Variants in GRM8 observed in about 807,000 individuals in gnomAD.
The protein encoded by GRM8 is metabotropic glutamate receptor 8.
GRM8 carries 47 observed loss-of-function variants against 87.2 expected under a neutral mutation model. The ratio of observed to expected loss-of-function variants is 0.54; its 90% CI spans 0.43 to 0.69. The LOEUF is 0.69. Ranked by LOEUF, GRM8 falls within the 30% of genes least tolerant of loss-of-function variation. The probability of loss-of-function intolerance (pLI) is 0.00; values close to 1 mark genes in which losing one functional copy is unlikely to be tolerated. For missense variants in GRM8, 1,019 were observed against 1,139.2 expected, an observed-to-expected ratio of 0.89 and a Z score of 1.52; for synonymous variants, 396 against 404.5, an observed-to-expected ratio of 0.98 and a Z score of 0.25.
At chr7:126,688,767 C>G (rs986114720) in intron 7 of GRM8, among the ~76,000 whole-genome samples, 25 of 151,586 alleles carry the variant, frequency 1.6e-4, no homozygotes, top group East Asian at 5.8e-4. Flanking sequence ...CACACACACA[C>G]AGAGACACAC....
intron 7 of GRM8, among the ~76,000 whole-genome samples, chr7:126,617,481 CT>C (rs1481289092): frequency 1.3e-5 from 2 of 152,194 alleles, no homozygotes; most frequent in African/African-American, 4.8e-5. Context: ...CAGAGATGCC[CT>C]CTCTCACCAC....
At chr7:127,160,237 A>G (rs1271602178) in intron 2 of GRM8, among the ~76,000 whole-genome samples, 1 of 152,162 alleles carries the variant, frequency 6.6e-6, no homozygotes, top group Non-Finnish European at 1.5e-5. Context: ...AGGGTGTTTG[A>G]TTAGTGAGTT....
intron 6 of GRM8, among the ~76,000 whole-genome samples, chr7:126,845,488 C>G (rs1284222118): frequency 6.6e-6 from 1 of 152,122 alleles, no homozygotes; most frequent in Non-Finnish European, 1.5e-5. Flanking sequence ...CAGCATTTTT[C>G]CATCTCACAA....
intron 2 of GRM8, among the ~76,000 whole-genome samples, chr7:127,217,388 G>A (rs1363044971): frequency 6.6e-6 from 1 of 152,156 alleles, no homozygotes; most frequent in Non-Finnish European, 1.5e-5. Flanking sequence ...AGGCATGGTG[G>A]AAAAAAGCAT....
At chr7:126,830,567 C>T (rs1168675144) in intron 6 of GRM8, among the ~76,000 whole-genome samples, 1 of 152,150 alleles carries the variant, frequency 6.6e-6, no homozygotes, top group Non-Finnish European at 1.5e-5. Context: ...CTCCTTTAAG[C>T]ACTTCTCTGT....
intron 6 of GRM8, among the ~76,000 whole-genome samples, chr7:126,826,156 T>C (rs944584833): frequency 3.9e-5 from 6 of 152,110 alleles, no homozygotes; most frequent in African/African-American, 4.8e-5. Context: ...GTCTTTGCTA[T>C]TGTGAATAGT....
chr7:126,835,690 G>A (rs2130500588), intron 6 of GRM8, among the ~76,000 whole-genome samples: 1 of 152,320 alleles, frequency 6.6e-6, no homozygotes, highest in South Asian at 2.1e-4. Flanking sequence ...GTAAGTACCA[G>A]CCTCAGAATG....
chr7:127,072,469 T>A (rs11563304), intron 3 of GRM8, among the ~76,000 whole-genome samples: 38,986 of 152,064 alleles, frequency 0.26, 5,886 homozygotes, highest in Non-Finnish European at 0.36. Context: ...TTTGTGGATT[T>A]TTTTTTCCCA....
At chr7:126,631,465 A>G (rs1179589469) in intron 7 of GRM8, among the ~76,000 whole-genome samples, 1 of 152,196 alleles carries the variant, frequency 6.6e-6, no homozygotes, top group Non-Finnish European at 1.5e-5. Context: ...GCCCAAAGCA[A>G]TTTATAGATT....
chr7:126,974,761 GTC>G (rs1810779249), intron 3 of GRM8, among the ~76,000 whole-genome samples: 1 of 151,774 alleles, frequency 6.6e-6, no homozygotes, highest in Non-Finnish European at 1.5e-5. Context: ...GTGAAATCCT[GTC>G]TCTACTAAAA....
At chr7:126,838,942 G>A in intron 6 of GRM8, among the ~76,000 whole-genome samples, 1 of 152,164 alleles carries the variant, frequency 6.6e-6, no homozygotes, top group East Asian at 1.9e-4. Context: ...CTAGGTGCAG[G>A]TGACTGAATG....
chr7:127,166,339 G>A lies in GRM8; in HGVS notation c.511-59627C>T, dbSNP rs17867780. On this transcript the variant is annotated intron_variant, in intron 2 of 10. Transcript: ENST00000339582. ...TCACTCAAGATTAGAAAACATAAAA[G>A]GCTCAGAAATTAAATTCTTAAGATT... Among the ~76,000 whole-genome samples, 591 of 152,078 alleles carry A rather than the reference G, an allele frequency of 3.9e-3. 1 individual carries two copies. The highest frequency in any genetic ancestry group is 5.7e-3 in the Non-Finnish European group (386 of 67,990).
chr7:126,488,559 CT>C (rs1807631895), intron 9 of GRM8, among the ~76,000 whole-genome samples: 1 of 151,858 alleles, frequency 6.6e-6, no homozygotes, highest in East Asian at 1.9e-4. Context: ...CCTTTTTCCC[CT>C]CTCATCTTCT....
At chr7:127,016,872 A>T (rs555040488) in intron 3 of GRM8, among the ~76,000 whole-genome samples, 92 of 152,112 alleles carry the variant, frequency 6.0e-4, no homozygotes, top group African/African-American at 2.2e-3. Context: ...GTTTATTAAA[A>T]TTTTTTCACT....
intron 2 of GRM8, among the ~76,000 whole-genome samples, chr7:127,203,451 T>TA (rs760275945): frequency 1.3e-5 from 2 of 152,162 alleles, no homozygotes; most frequent in Non-Finnish European, 2.9e-5. Context: ...CTCAGGCCTG[T>TA]AATCCCAGCA....
At chr7:127,000,703 A>G (rs2132028559) in intron 3 of GRM8, among the ~76,000 whole-genome samples, 1 of 151,790 alleles carries the variant, frequency 6.6e-6, no homozygotes, top group African/African-American at 2.4e-5. Context: ...ACAGATTACC[A>G]GGGGCTGGAG....
chr7:126,961,518 C>T (rs564152930), intron 3 of GRM8, among the ~76,000 whole-genome samples: 5 of 152,208 alleles, frequency 3.3e-5, no homozygotes, highest in South Asian at 2.1e-4. Context: ...GGGATGTGTG[C>T]GTTCATTCTA....
chr7:126,844,330 T>G (rs897653018), intron 6 of GRM8, among the ~76,000 whole-genome samples: 1 of 152,160 alleles, frequency 6.6e-6, no homozygotes, highest in Non-Finnish European at 1.5e-5. Flanking sequence ...GGTCCAAGAA[T>G]CTGTATTTTT....
At chr7:127,140,447 T>C (rs1434029750) in intron 2 of GRM8, among the ~76,000 whole-genome samples, 2 of 152,192 alleles carry the variant, frequency 1.3e-5, no homozygotes, top group South Asian at 2.1e-4. Flanking sequence ...ATAATATTTC[T>C]ACACTACAAT....
Sources: gnomAD v4.1 joint callset for allele counts (sites outside exome capture counted in the v4.1 genomes callset) on GRCh38, gnomAD v4.1.1 for gene constraint, MANE v1.5 for transcripts, NCBI Gene and HGNC (gene_info 2026-07-23, HGNC 2026-07-21) for gene names.